MACROH2A1: variants seen among roughly 807,000 people sequenced by gnomAD.
The protein encoded by MACROH2A1 is core histone macro-H2A.1.
Under a neutral mutation model 31.6 loss-of-function variants are expected in MACROH2A1, and 2 were observed. The ratio of observed to expected loss-of-function variants is 0.06; its 90% CI spans 0.03 to 0.20. The LOEUF is 0.20. Ranked by LOEUF, MACROH2A1 falls within the 10% of genes least tolerant of loss-of-function variation. The pLI is 1.00. For synonymous variants in MACROH2A1, 169 were observed against 189.6 expected (o/e 0.89, Z 0.89); for missense variants, 230 against 474.0 (o/e 0.49, Z 4.78).
intron 8 of MACROH2A1, 183 bp downstream of exon 8, chr5:135,343,077 G>C: frequency 7.1e-7 from 1 of 1,404,300 alleles, no homozygotes; most frequent in Non-Finnish European, 9.5e-7. Context: ...TTGGGATTTG[G>C]GTCTCTCTAA....
At chr5:135,372,057 G>A (rs569689279) in intron 2 of MACROH2A1, among the ~76,000 whole-genome samples, 50 of 152,264 alleles carry the variant, frequency 3.3e-4, no homozygotes, top group Non-Finnish European at 6.5e-4. Flanking sequence ...AGGGGCGGGA[G>A]GAGATCAGAC....
chr5:135,376,108 C>T (rs1370967373), intron 2 of MACROH2A1, among the ~76,000 whole-genome samples: 1 of 152,134 alleles, frequency 6.6e-6, no homozygotes, highest in East Asian at 1.9e-4. Flanking sequence ...ATCTGCTTGT[C>T]CCAGGGGCCT....
At chr5:135,345,092 T>C (rs1760609395) in intron 7 of MACROH2A1, 1 of 152,236 alleles carries the variant, frequency 6.6e-6, no homozygotes, top group Non-Finnish European at 1.5e-5. Flanking sequence ...CTACCCTGTA[T>C]GTCATGCCCC....
chr5:135,377,414 G>C (rs373825092), intron 2 of MACROH2A1, among the ~76,000 whole-genome samples: 2 of 152,352 alleles, frequency 1.3e-5, no homozygotes, highest in East Asian at 3.9e-4. Context: ...AGCGATGTCT[G>C]CTGAAATGAA....
chr5:135,376,513 A>C (rs1362258919), intron 2 of MACROH2A1, among the ~76,000 whole-genome samples: 1 of 152,252 alleles, frequency 6.6e-6, no homozygotes, highest in Non-Finnish European at 1.5e-5. Flanking sequence ...CTTCCTTGTC[A>C]GGAAGTTTTC....
At chr5:135,378,254 C>A (rs1765169560) in intron 2 of MACROH2A1, among the ~76,000 whole-genome samples, 1 of 152,220 alleles carries the variant, frequency 6.6e-6, no homozygotes, top group African/African-American at 2.4e-5. Flanking sequence ...GCTTGCTCTG[C>A]CACTGCTACA....
At chr5:135,343,090 G>A (rs1186707505) in intron 8 of MACROH2A1, 170 bp downstream of exon 8, 1 of 1,481,288 alleles carries the variant, frequency 6.8e-7, no homozygotes, top group Admixed American at 2.0e-5. Flanking sequence ...CTCTCTAATT[G>A]TCCCTCACCA....
chr5:135,360,714 T>A (rs554493204), intron 4 of MACROH2A1, 107 bp from the exon 5 acceptor site: 1 of 797,878 alleles, frequency 1.3e-6, no homozygotes, highest in Non-Finnish European at 2.2e-6. Flanking sequence ...AACAGGAAAC[T>A]AAACCACAAC....
At chr5:135,375,448 G>A (rs539848747) in intron 2 of MACROH2A1, among the ~76,000 whole-genome samples, 4 of 152,346 alleles carry the variant, frequency 2.6e-5, no homozygotes, top group African/African-American at 4.8e-5. Context: ...ACCCAGAGAC[G>A]AAAGGCTTAG....
chr5:135,348,039 TATAA>T (rs1370876195), intron 6 of MACROH2A1, among the ~76,000 whole-genome samples: 1 of 152,244 alleles, frequency 6.6e-6, no homozygotes, highest in African/African-American at 2.4e-5. Flanking sequence ...AATTTTTACT[TATAA>T]ATATTGCTTT....
chr5:135,335,892 G>A (rs1307378726), intron 8 of MACROH2A1, among the ~76,000 whole-genome samples: 1 of 152,204 alleles, frequency 6.6e-6, no homozygotes, highest in Non-Finnish European at 1.5e-5. Context: ...GTAGCCCAGG[G>A]GACCCCGGAG....
intron 6 of MACROH2A1, among the ~76,000 whole-genome samples, chr5:135,349,594 G>A (rs1167959892): frequency 6.6e-6 from 1 of 152,080 alleles, no homozygotes; most frequent in East Asian, 1.9e-4. Flanking sequence ...GAGCCAGGCA[G>A]CCAGAGATTG....
In MACROH2A1 at chr5:135,384,720, C is replaced by T. The variant is rs115352323; in HGVS notation, c.172+4202G>A. Reference sequence around the variant, plus strand: ...CTAATGTTAATAGTTAACATCTGGGCACTTACAATGTCCAGGCATGGAATA... The same window carrying T: ...CTAATGTTAATAGTTAACATCTGGGTACTTACAATGTCCAGGCATGGAATA... On this transcript the variant is annotated intron_variant, in intron 2 of 8. Transcript: ENST00000511689. Among the ~76,000 whole-genome samples, 1,206 of 152,316 alleles carry T rather than the reference C, an allele frequency of 7.9e-3. 19 individuals are homozygous for T. The highest frequency in any genetic ancestry group is 0.028 in the African/African-American group (1,158 of 41,560).
rs762871433 is a variant in MACROH2A1, at chr5:135,367,664, G to C, written c.477+1742C>G. ...ACTCAAGTATCAACAGTGAACGCAT[G>C]AAGGAGGGTGATGGCTCAGGACACA... On this transcript the variant is annotated intron_variant, in intron 4 of 8. Coordinates refer to ENST00000511689, the MANE Select transcript of MACROH2A1 (RefSeq NM_138610.3). Among the ~76,000 whole-genome samples, 86 of 152,332 alleles carry C rather than the reference G, an allele frequency of 5.6e-4. 1 individual carries two copies. The highest frequency in any genetic ancestry group is 1.0e-3 in the Non-Finnish European group (71 of 68,028).
intron 2 of MACROH2A1, among the ~76,000 whole-genome samples, chr5:135,372,389 C>T (rs2149857935): frequency 6.6e-6 from 1 of 152,346 alleles, no homozygotes; most frequent in East Asian, 1.9e-4. Flanking sequence ...CCATCAGTCT[C>T]CACAACGCTA....
chr5:135,362,168 A>G (rs1762922059), intron 4 of MACROH2A1: 1 of 152,256 alleles, frequency 6.6e-6, no homozygotes, highest in South Asian at 2.1e-4. Context: ...CTGTGCTTTC[A>G]ACAAAACTGA....
chr5:135,335,193 G>A, intron 8 of MACROH2A1, 52 bp from the exon 9 acceptor site: 2 of 1,430,852 alleles, frequency 1.4e-6, no homozygotes, highest in Middle Eastern at 3.6e-4. Flanking sequence ...GGGGGCTGCA[G>A]GACCTGCCCC....
intron 4 of MACROH2A1, among the ~76,000 whole-genome samples, chr5:135,364,986 G>A (rs557221181): frequency 9.2e-5 from 14 of 152,240 alleles, no homozygotes; most frequent in Non-Finnish European, 1.0e-4. Context: ...GGGATAGGGT[G>A]AGGTTTGTTG....
upstream of MACROH2A1, chr5:135,399,289 T>C (rs1321496482): frequency 6.6e-6 from 1 of 151,288 alleles, no homozygotes; most frequent in Non-Finnish European, 1.5e-5. The surrounding 1 kb of genome is among the most constrained non-coding windows in gnomAD (Gnocchi z 4.5). Flanking sequence ...TCACATCCCT[T>C]CGCGGCCCCG....
Sources: allele counts gnomAD v4.1 joint callset (sites outside exome capture counted in the v4.1 genomes callset), GRCh38; gene constraint gnomAD v4.1.1; non-coding constraint Gnocchi (gnomAD v3.1); transcripts MANE v1.5; gene names NCBI Gene and HGNC (gene_info 2026-07-23, HGNC 2026-07-21).